The following ABCC5 variants were observed in gnomAD, a reference collection of about 807,000 sequenced individuals.
ABCC5 encodes the protein ATP binding cassette subfamily C member 5, also known as ATP-binding cassette sub-family C member 5.
A neutral mutation model predicts 160.9 loss-of-function variants in ABCC5; 61 were observed. That is an observed-to-expected ratio of 0.38 (90% CI 0.31 to 0.47). ABCC5 has a LOEUF of 0.47. Among genes scored for constraint, ABCC5 ranks in the 20% least tolerant of loss-of-function variants. The pLI, the probability that ABCC5 is intolerant of heterozygous loss-of-function variation, is 0.99. For missense variants in ABCC5, 1,308 were observed against 1,813.3 expected, an observed-to-expected ratio of 0.72 and a Z score of 5.06; for synonymous variants, 666 against 700.6, an observed-to-expected ratio of 0.95 and a Z score of 0.78.
chr3:184,017,236 T>C lies in ABCC5; in HGVS notation c.-56+594A>G, dbSNP rs1722264941. The C allele has an allele frequency of 6.6e-6, 1 of 152,342 alleles. No individual in the cohort carries two copies. The highest frequency in any genetic ancestry group is 2.4e-5 in the African/African-American group (1 of 41,448). The allele number at this position is 152,342 out of a possible 1,614,324, so 9.4% of individuals were successfully genotyped here. The stretch of plus-strand genomic sequence containing the variant: ...TGTGTGGCAGAAGCGAAAAGAGCAC[T>C]GGATGACCGTGGAGAGATCTGGGCT... On this transcript the variant is annotated intron_variant, in intron 1 of 29. Transcript: ENST00000334444. This position sits in a 1 kb window ranked among gnomAD's most constrained non-coding sequence, Gnocchi z 4.5.
chr3:183,971,765 T>C lies in ABCC5; in HGVS notation c.1559A>G (p.Lys520Arg). ...PKLTPKMKKD[K>R]RASRGKKEKV... ...CTCTTTCTTGCCCCTGGAAGCCCTC[T>C]TGTCTTTTTTCATTTTGGGGGTCAG... The change falls in exon 11 of 30, where the codon AAG (lysine) becomes AGG (arginine). Residue 520 changes from lysine (K) to arginine (R), a missense_variant. This residue lies in a region of ABCC5 where 1,142 missense variants were observed against 1,527.1 expected (regional missense o/e 0.75). Coordinates refer to ENST00000334444, the MANE Select transcript of ABCC5 (RefSeq NM_005688.4). The C allele has an allele frequency of 1.2e-6, 2 of 1,614,216 alleles. No homozygotes were observed. Among genetic ancestry groups the C allele is most frequent in the Non-Finnish European group, 1.7e-6 (2 of 1,180,036 alleles).
chr3:184,011,778 T>C (rs1435045006), intron 2 of ABCC5, among the ~76,000 whole-genome samples: 12 of 152,168 alleles, frequency 7.9e-5, no homozygotes, highest in Admixed American at 7.9e-4. Context: ...GGAGTTCAGC[T>C]GAGTGAAAAA....
intron 11 of ABCC5, among the ~76,000 whole-genome samples, chr3:183,970,560 T>C (rs1398720701): frequency 6.6e-6 from 1 of 151,912 alleles, no homozygotes; most frequent in Non-Finnish European, 1.5e-5. Context: ...TTCTCCTGCC[T>C]CAGCCTCCCA....
intron 5 of ABCC5, chr3:183,985,130 AT>A: frequency 1.4e-6 from 1 of 696,064 alleles, no homozygotes; most frequent in Non-Finnish European, 2.4e-6. Context: ...ATTTCAAACC[AT>A]TTTTTAGGGG....
intron 11 of ABCC5, among the ~76,000 whole-genome samples, chr3:183,968,003 T>A (rs921496288): frequency 6.6e-6 from 1 of 152,176 alleles, no homozygotes; most frequent in Non-Finnish European, 1.5e-5. Context: ...GCCGCACACA[T>A]TCCAGTATCC....
intron 29 of ABCC5, among the ~76,000 whole-genome samples, chr3:183,924,843 T>C (rs1712365332): frequency 6.6e-6 from 1 of 152,110 alleles, no homozygotes; most frequent in African/African-American, 2.4e-5. Flanking sequence ...CATGGAGGCT[T>C]TGGCATCTGG....
intron 17 of ABCC5, among the ~76,000 whole-genome samples, chr3:183,957,688 G>A (rs180744878): frequency 4.1e-3 from 624 of 151,162 alleles, no homozygotes; most frequent in Non-Finnish European, 7.3e-3. Flanking sequence ...ATGCAGATCC[G>A]TGTGTATATC....
chr3:183,991,669 T>G (rs867650562), intron 2 of ABCC5, among the ~76,000 whole-genome samples: 19 of 152,218 alleles, frequency 1.2e-4, no homozygotes, highest in Admixed American at 3.9e-4. Context: ...AAGAGAATAA[T>G]GGTACAACAT....
At chr3:183,934,568 AC>A (rs1478830045) in intron 26 of ABCC5, among the ~76,000 whole-genome samples, 1 of 152,226 alleles carries the variant, frequency 6.6e-6, no homozygotes, top group East Asian at 1.9e-4. Context: ...AAAGCAGTCA[AC>A]ATTTCTTTCT....
intron 10 of ABCC5, among the ~76,000 whole-genome samples, chr3:183,972,652 AT>A (rs112456208): frequency 7.3e-5 from 11 of 150,718 alleles, no homozygotes; most frequent in South Asian, 2.1e-4. Flanking sequence ...AAGAAAAATA[AT>A]TTTTTTTTTG....
At chr3:183,985,651 G>T (rs1010495974) in intron 5 of ABCC5, 3 of 487,112 alleles carry the variant, frequency 6.2e-6, no homozygotes, top group East Asian at 4.1e-5. Flanking sequence ...TGGTCTTTTA[G>T]AACTGTCTTA....
At chr3:183,933,165 C>CAAAAAA (rs55863712) in intron 26 of ABCC5, among the ~76,000 whole-genome samples, 1 of 73,738 alleles carries the variant, frequency 1.4e-5, no homozygotes, top group Non-Finnish European at 2.7e-5. Context: ...GAGACTGTCT[C>CAAAAAA]AAAAAAAAAA....
intron 24 of ABCC5, 25 bp downstream of exon 24, chr3:183,945,825 G>T: frequency 6.2e-7 from 1 of 1,600,422 alleles, no homozygotes; most frequent in South Asian, 1.1e-5. Context: ...GTCAGATCAC[G>T]GTAAAAGGCC....
chr3:183,956,386 C>A (rs1286510015), intron 17 of ABCC5, among the ~76,000 whole-genome samples: 1 of 151,026 alleles, frequency 6.6e-6, no homozygotes, highest in Non-Finnish European at 1.5e-5. Flanking sequence ...GTGTGTAAAT[C>A]ACATAGGTTA....
chr3:183,995,841 TC>T (rs1218734699), intron 2 of ABCC5, among the ~76,000 whole-genome samples: 1 of 152,110 alleles, frequency 6.6e-6, no homozygotes, highest in African/African-American at 2.4e-5. Context: ...AGAGTCTCAC[TC>T]TGTCGCCCAG....
At chr3:183,994,533 G>A (rs1354958908) in intron 2 of ABCC5, among the ~76,000 whole-genome samples, 2 of 152,004 alleles carry the variant, frequency 1.3e-5, no homozygotes, top group African/African-American at 2.4e-5. Context: ...CCACCACCAC[G>A]CCTGGCTAAT....
intron 9 of ABCC5, among the ~76,000 whole-genome samples, chr3:183,977,951 C>T (rs1718368967): frequency 6.6e-6 from 1 of 152,134 alleles, no homozygotes; most frequent in Non-Finnish European, 1.5e-5. Context: ...CAGGGTTTCA[C>T]CATGTTGGCC....
rs1005239785 is a variant in ABCC5 at position 183,971,785 on chromosome 3, G to C, written c.1539C>G (p.Thr513=). ...HSSIQNSPKL[T]PKMKKDKRAS... ...CCCTCTTGTCTTTTTTCATTTTGGG[G>C]GTCAGCTTGGGCGAGTTCTGGATAC... Residue 513 remains threonine, a synonymous_variant, in exon 11 of 30, where the codon ACC becomes ACG. Coordinates refer to ENST00000334444, the MANE Select transcript of ABCC5 (RefSeq NM_005688.4). 29 of 1,614,086 alleles carry C rather than the reference G, an allele frequency of 1.8e-5. No individual in the cohort carries two copies. Among genetic ancestry groups the C allele is most frequent in the Non-Finnish European group, 2.5e-5 (29 of 1,180,024 alleles).
At chr3:184,011,261 T>C (rs1721717204) in intron 2 of ABCC5, 1 of 152,232 alleles carries the variant, frequency 6.6e-6, no homozygotes, top group South Asian at 2.1e-4. Context: ...CTTTCTCCTG[T>C]ACAGGTTTTT....
Sources: gnomAD v4.1 joint callset for allele counts (sites outside exome capture counted in the v4.1 genomes callset) on GRCh38, gnomAD v4.1.1 for gene constraint, gnomAD v4.1.1 regional missense constraint, Gnocchi (gnomAD v3.1) non-coding constraint, MANE v1.5 for transcripts, NCBI Gene and HGNC (gene_info 2026-07-23, HGNC 2026-07-21) for gene names.